Variants in GALNTL6 observed in about 807,000 individuals in gnomAD.
The protein encoded by GALNTL6 is polypeptide N-acetylgalactosaminyltransferase like 6, also known as polypeptide N-acetylgalactosaminyltransferase-like 6.
Under a neutral mutation model 73.7 loss-of-function variants are expected in GALNTL6, and 46 were observed. The ratio of observed to expected loss-of-function variants is 0.62; its 90% CI spans 0.49 to 0.80. The LOEUF (loss-of-function observed/expected upper bound fraction) is 0.80, where lower values mean the gene tolerates loss of function less well. Ranked by LOEUF, GALNTL6 falls within the 30% of genes least tolerant of loss-of-function variation. The pLI, the probability that GALNTL6 is intolerant of heterozygous loss-of-function variation, is 0.00. For synonymous variants in GALNTL6, 259 were observed against 263.7 expected (o/e 0.98, Z 0.17); for missense variants, 604 against 755.0 (o/e 0.80, Z 2.34).
intron 4 of GALNTL6, among the ~76,000 whole-genome samples, chr4:172,321,604 A>G (rs928964017): frequency 6.6e-6 from 1 of 152,224 alleles, no homozygotes; most frequent in Non-Finnish European, 1.5e-5. Context: ...GAGGACATCA[A>G]TAAAGAGAGA....
intron 2 of GALNTL6, among the ~76,000 whole-genome samples, chr4:171,861,849 C>T (rs1237628304): frequency 2.6e-5 from 4 of 152,038 alleles, no homozygotes; most frequent in Admixed American, 2.0e-4. Context: ...TTTACAAAAT[C>T]GCTTATATTA....
At chr4:172,916,194 C>A (rs997602472) in intron 8 of GALNTL6, among the ~76,000 whole-genome samples, 31 of 152,144 alleles carry the variant, frequency 2.0e-4, no homozygotes, top group African/African-American at 7.0e-4. Context: ...CAAAATTCAA[C>A]AACCCTTCAT....
intron 5 of GALNTL6, among the ~76,000 whole-genome samples, chr4:172,355,081 A>C (rs1742103544): frequency 6.6e-6 from 1 of 152,012 alleles, no homozygotes; most frequent in Non-Finnish European, 1.5e-5. Context: ...ATACTATAGA[A>C]ATATATATTT....
chr4:172,108,625 T>C (rs146037448), intron 2 of GALNTL6, among the ~76,000 whole-genome samples: 3 of 152,214 alleles, frequency 2.0e-5, no homozygotes, highest in Middle Eastern at 3.4e-3. Flanking sequence ...ACCACACAAT[T>C]TTTGATCAAA....
At chr4:172,636,698 T>C (rs1196512618) in intron 5 of GALNTL6, among the ~76,000 whole-genome samples, 6 of 152,284 alleles carry the variant, frequency 3.9e-5, no homozygotes, top group African/African-American at 7.2e-5. Context: ...AGAACAAATG[T>C]GTGTTGCTTT....
At chr4:172,576,827 A>G (rs541723531) in intron 5 of GALNTL6, among the ~76,000 whole-genome samples, 1 of 152,186 alleles carries the variant, frequency 6.6e-6, no homozygotes, top group Admixed American at 6.5e-5. Context: ...ACAACACAAC[A>G]ACCATAATAA....
chr4:172,361,706 T>C (rs974368267), intron 5 of GALNTL6, among the ~76,000 whole-genome samples: 6 of 152,114 alleles, frequency 3.9e-5, no homozygotes, highest in Non-Finnish European at 7.4e-5. Flanking sequence ...TGGGGGCACA[T>C]TGGTTGAAGA....
At chr4:172,945,223 A>T (rs940402950) in intron 9 of GALNTL6, among the ~76,000 whole-genome samples, 4 of 152,190 alleles carry the variant, frequency 2.6e-5, no homozygotes, top group Admixed American at 2.6e-4. Context: ...TACAAATTAA[A>T]CTATAGTGAA....
intron 5 of GALNTL6, among the ~76,000 whole-genome samples, chr4:172,621,733 A>G (rs1293023711): frequency 6.6e-6 from 1 of 152,220 alleles, no homozygotes; most frequent in Non-Finnish European, 1.5e-5. Flanking sequence ...AGATTAATAT[A>G]GGAATCCTAG....
intron 2 of GALNTL6, among the ~76,000 whole-genome samples, chr4:172,213,648 G>T (rs1218743105): frequency 6.6e-6 from 1 of 152,048 alleles, no homozygotes; most frequent in Non-Finnish European, 1.5e-5. Flanking sequence ...AGAGTTATTT[G>T]TATATTTTAG....
intron 5 of GALNTL6, among the ~76,000 whole-genome samples, chr4:172,671,555 T>C (rs1269730582): frequency 6.6e-6 from 1 of 152,204 alleles, no homozygotes; most frequent in Non-Finnish European, 1.5e-5. Flanking sequence ...TTAAGGAGCT[T>C]TTTGGCTGAG....
At chr4:172,353,454 A>G (rs1400104323) in intron 5 of GALNTL6, among the ~76,000 whole-genome samples, 1 of 152,204 alleles carries the variant, frequency 6.6e-6, no homozygotes, top group Non-Finnish European at 1.5e-5. Flanking sequence ...TGTAAAGGAC[A>G]TCGACAATAT....
At chr4:172,659,453 C>T (rs928242949) in intron 5 of GALNTL6, among the ~76,000 whole-genome samples, 11 of 152,238 alleles carry the variant, frequency 7.2e-5, no homozygotes, top group Middle Eastern at 3.4e-3. Flanking sequence ...TATGGTGCTA[C>T]TGAACACTAG....
At chr4:172,699,200 C>T (rs994856878) in intron 5 of GALNTL6, among the ~76,000 whole-genome samples, 3 of 152,224 alleles carry the variant, frequency 2.0e-5, no homozygotes, top group Admixed American at 2.0e-4. Context: ...CAAGAGGCCC[C>T]ACTTCCTAAT....
intron 8 of GALNTL6, among the ~76,000 whole-genome samples, chr4:172,902,837 T>A (rs188559600): frequency 6.6e-6 from 1 of 152,156 alleles, no homozygotes; most frequent in Non-Finnish European, 1.5e-5. Context: ...TCAACAGACA[T>A]CTACTTATTG....
intron 2 of GALNTL6, among the ~76,000 whole-genome samples, chr4:172,169,112 A>T (rs977058755): frequency 2.0e-5 from 3 of 152,214 alleles, no homozygotes; most frequent in African/African-American, 7.2e-5. Context: ...CTTGGAGGAT[A>T]AGTAAATGGG....
intron 2 of GALNTL6, among the ~76,000 whole-genome samples, chr4:172,213,695 T>C (rs1174864094): frequency 6.6e-6 from 1 of 152,200 alleles, no homozygotes; most frequent in Non-Finnish European, 1.5e-5. Flanking sequence ...TTTGTAAACA[T>C]TTTATCTCAG....
At chr4:172,259,523 G>A (rs1738187471) in intron 3 of GALNTL6, among the ~76,000 whole-genome samples, 1 of 150,734 alleles carries the variant, frequency 6.6e-6, no homozygotes, top group African/African-American at 2.4e-5. Context: ...TTTGTCGGAT[G>A]CACAGTTCGT....
intron 7 of GALNTL6, among the ~76,000 whole-genome samples, chr4:172,860,235 A>AG (rs1190006136): frequency 2.0e-5 from 3 of 152,222 alleles, no homozygotes; most frequent in Non-Finnish European, 4.4e-5. Flanking sequence ...TTGAGGACAC[A>AG]GACTACTTCT....
Sources: gnomAD v4.1 joint callset for allele counts (sites outside exome capture counted in the v4.1 genomes callset) on GRCh38, gnomAD v4.1.1 for gene constraint, MANE v1.5 for transcripts, NCBI Gene and HGNC (gene_info 2026-07-23, HGNC 2026-07-21) for gene names.